HMCN1: variants seen among roughly 807,000 people sequenced by gnomAD.
HMCN1 encodes hemicentin 1.
In HMCN1, 321 loss-of-function variants were observed where a neutral mutation model predicts 625.9. The ratio of observed to expected loss-of-function variants is 0.51; its 90% CI spans 0.47 to 0.56. The LOEUF (loss-of-function observed/expected upper bound fraction) is 0.56, where lower values mean the gene tolerates loss of function less well. Among genes scored for constraint, HMCN1 ranks in the 20% least tolerant of loss-of-function variants. HMCN1 has a pLI of 0.00. For synonymous variants in HMCN1, 2,425 were observed against 2,417.6 expected (o/e 1.00, Z -0.09); for missense variants, 6,588 against 6,887.3 (o/e 0.96, Z 1.54).
In HMCN1 at chr1:186,040,002, C is replaced by T. The variant is rs184009363; in HGVS notation, c.6180+123C>T. 676 of 949,372 alleles carry T rather than the reference C, an allele frequency of 7.1e-4. 5 individuals carry two copies. In the African/African-American group the frequency reaches 9.5e-3, roughly 13 times the overall value. 58.8% of individuals were successfully genotyped at this position (949,372 alleles called of 1,614,324 possible). On this transcript the variant is annotated intron_variant, in intron 39 of 106. Transcript: ENST00000271588. ...ATTAACAGATGCTATTTTTTAAATA[C>T]ACATATGCAACCATAAACACCATGG...
intron 1 of HMCN1, among the ~76,000 whole-genome samples, chr1:185,799,066 A>T (rs1658601913): frequency 1.3e-5 from 2 of 152,048 alleles, no homozygotes; most frequent in Non-Finnish European, 2.9e-5. Context: ...TGTGACTATA[A>T]TATATGTTGT....
chr1:186,129,778 C>T (rs1285600164), intron 83 of HMCN1, among the ~76,000 whole-genome samples, 188 bp from the exon 84 acceptor site: 1 of 152,084 alleles, frequency 6.6e-6, no homozygotes, highest in Non-Finnish European at 1.5e-5. Context: ...TTTTGTTCTT[C>T]AAACAAGTGT....
At chr1:185,889,895 C>T (rs911270651) in intron 4 of HMCN1, among the ~76,000 whole-genome samples, 2 of 147,408 alleles carry the variant, frequency 1.4e-5, no homozygotes, top group African/African-American at 2.7e-5. Context: ...GTACCAGTTC[C>T]TCCTTGTACC....
chr1:185,915,958 A>C (rs1189173372), intron 6 of HMCN1, among the ~76,000 whole-genome samples: 1 of 152,030 alleles, frequency 6.6e-6, no homozygotes, highest in Non-Finnish European at 1.5e-5. Context: ...TGGCCTTCCA[A>C]TATCGGACTG....
At chr1:186,057,605 C>T (rs190022147) in intron 46 of HMCN1, among the ~76,000 whole-genome samples, 123 of 151,694 alleles carry the variant, frequency 8.1e-4, no homozygotes, top group African/African-American at 2.9e-3. Flanking sequence ...ATCTCTAGAC[C>T]CCTTTAAAAA....
rs1658045428 is a variant in HMCN1 at position 186,065,406 on chromosome 1, G to A, written c.7682G>A (p.Arg2561Lys). ...LASSPAGHKS[R>K]SFSLNVFVSP... ...TCCAGTCCAGCTGGCCACAAGAGCA[G>A]GAGCTTCAGTCTTAATGTATTTGGT... Residue 2561 changes from arginine to lysine, a missense_variant, in exon 49 of 107, where the codon AGG (arginine) becomes AAG (lysine). By Grantham distance (26) the Arg-to-Lys change is conservative. Coordinates refer to ENST00000271588, the MANE Select transcript of HMCN1 (RefSeq NM_031935.3). 16 of 1,607,712 alleles carry A rather than the reference G, an allele frequency of 1.0e-5. No individual in the cohort carries two copies. The East Asian group carries it at 1.6e-4, about 16-fold the overall frequency.
chr1:185,778,705 A>G (rs1027603393), intron 1 of HMCN1, among the ~76,000 whole-genome samples: 1 of 152,066 alleles, frequency 6.6e-6, no homozygotes, highest in Non-Finnish European at 1.5e-5. Flanking sequence ...ATAGTATTCC[A>G]TGGTGTATAT....
chr1:186,082,842 G>A (rs751380392), intron 56 of HMCN1, 23 bp from the exon 57 acceptor site: 1 of 1,419,602 alleles, frequency 7.0e-7, no homozygotes, highest in South Asian at 1.3e-5. Context: ...ATTTTATTTG[G>A]AATTTCTTCA....
At chr1:186,122,023 G>A (rs957739181) in intron 80 of HMCN1, among the ~76,000 whole-genome samples, 8 of 152,164 alleles carry the variant, frequency 5.3e-5, no homozygotes, top group African/African-American at 1.4e-4. Context: ...CACAGAGGTC[G>A]TAGAAAAGAA....
chr1:186,175,928 TAAAG>T (rs1210597376), intron 103 of HMCN1, among the ~76,000 whole-genome samples: 2 of 149,578 alleles, frequency 1.3e-5, no homozygotes, highest in East Asian at 1.9e-4. Context: ...AGAAAAGAGT[TAAAG>T]AAACTGTCTC....
rs544204232 is a variant in HMCN1 at position 186,058,012 on chromosome 1, T to C, written c.7312+611T>C. 7.9e-5 allele frequency among the ~76,000 whole-genome samples: 12 copies of C among 152,102 alleles called. No homozygotes were observed. The South Asian group carries it at 2.1e-3, about 26-fold the overall frequency. ...ATGACTTGGTTACAGACTAAGATAA[T>C]CTTGCCAAGTTTTTGGTTAATAAAA... is the stretch of plus-strand genomic sequence containing the variant. On this transcript the variant is annotated intron_variant, in intron 46 of 106. Coordinates refer to ENST00000271588, the MANE Select transcript of HMCN1 (RefSeq NM_031935.3).
At chr1:185,866,256 G>C (rs899336063) in intron 4 of HMCN1, among the ~76,000 whole-genome samples, 2 of 151,676 alleles carry the variant, frequency 1.3e-5, no homozygotes, top group Non-Finnish European at 2.9e-5. Context: ...ATTCTGATGA[G>C]GTTTGGTTTC....
At chr1:185,906,085 C>T (rs897758427) in intron 4 of HMCN1, among the ~76,000 whole-genome samples, 2 of 151,636 alleles carry the variant, frequency 1.3e-5, no homozygotes, top group Non-Finnish European at 3.0e-5. Context: ...AAGATCATTT[C>T]TAATCTCATG....
In HMCN1 at chr1:185,871,416, A is replaced by C. The variant is rs115326169; in HGVS notation, c.621+5553A>C. 1.6e-3 allele frequency among the ~76,000 whole-genome samples: 240 copies of C among 152,246 alleles called. 1 individual carries two copies. The Middle Eastern group carries it at 0.017, about 11-fold the overall frequency. ...TGACCTCAGATATTTTCTGTGTGTC[A>C]GTTTCCTTATCTGTAAAATGGAGAA... On this transcript the variant is annotated intron_variant, in intron 4 of 106. Transcript: ENST00000271588.
At chr1:185,801,999 A>T (rs1199127494) in intron 1 of HMCN1, among the ~76,000 whole-genome samples, 1 of 152,176 alleles carries the variant, frequency 6.6e-6, no homozygotes, top group East Asian at 1.9e-4. Flanking sequence ...ATAGTGAATG[A>T]TGGAAGAAAT....
At position 186,095,327 on chromosome 1, in the gene HMCN1, A is replaced by T; in HGVS notation, c.10379A>T (p.Asp3460Val). ...TCCACCTCTATGGCATGCATTACTG[A>T]TGGAACCCCAGCTCCCAGTATGGCC... Reference protein sequence around the residue: ...GSSTSMACITDGTPAPSMAWL... With the variant: ...GSSTSMACITVGTPAPSMAWL... The change falls in exon 68 of 107, where the codon GAT becomes GTT. Residue 3460 changes from aspartate to valine, a missense_variant. Asp to Val is a radical substitution (Grantham distance 152). Around this residue, in one of 3 missense-constraint regions of HMCN1, gnomAD observed 4,628 missense variants for 4,853.1 expected, o/e 0.95. Coordinates refer to ENST00000271588, the MANE Select transcript of HMCN1 (RefSeq NM_031935.3). 6.2e-7 allele frequency: 1 copy of T among 1,613,754 alleles called. No individual in the cohort carries two copies. The highest frequency in any genetic ancestry group is 8.5e-7 in the Non-Finnish European group (1 of 1,179,834).
At chr1:186,047,006 G>A (rs184417790) in intron 41 of HMCN1, among the ~76,000 whole-genome samples, 32 of 152,206 alleles carry the variant, frequency 2.1e-4, no homozygotes, top group African/African-American at 7.7e-4. Flanking sequence ...CCACCACATA[G>A]CCTCTTGCTA....
intron 36 of HMCN1, among the ~76,000 whole-genome samples, chr1:186,029,821 G>A (rs1655305133): frequency 6.6e-6 from 1 of 151,776 alleles, no homozygotes; most frequent in South Asian, 2.1e-4. Flanking sequence ...TAGAATGTTA[G>A]GTTATTGATT....
intron 1 of HMCN1, among the ~76,000 whole-genome samples, chr1:185,835,953 G>T (rs1661139348): frequency 6.6e-6 from 1 of 152,130 alleles, no homozygotes; most frequent in Non-Finnish European, 1.5e-5. Context: ...CTAACAGTAG[G>T]AAGATGACAT....
Sources: gnomAD v4.1 joint callset for allele counts (sites outside exome capture counted in the v4.1 genomes callset) on GRCh38, gnomAD v4.1.1 for gene constraint, gnomAD v4.1.1 regional missense constraint, MANE v1.5 for transcripts, NCBI Gene and HGNC (gene_info 2026-07-23, HGNC 2026-07-21) for gene names.